Variants in REV1 observed in about 807,000 individuals in gnomAD.
REV1 encodes the protein REV1 DNA directed polymerase.
A neutral mutation model predicts 137.4 loss-of-function variants in REV1; 42 were observed. The observed-to-expected ratio is 0.31, with a 90% confidence interval of 0.24 to 0.40. The LOEUF is 0.40. Ranked by LOEUF, REV1 falls within the 10% of genes least tolerant of loss-of-function variation. REV1 has a pLI of 1.00. For synonymous variants in REV1, 524 were observed against 519.2 expected (o/e 1.01, Z -0.12); for missense variants, 1,282 against 1,490.1 (o/e 0.86, Z 2.30).
At position 99,406,501 on chromosome 2, in the gene REV1, G is replaced by C; in HGVS notation, c.2449-11C>G. The C allele has an allele frequency of 6.3e-7, 1 of 1,576,164 alleles. No homozygotes were observed. The highest frequency in any genetic ancestry group is 8.6e-7 in the Non-Finnish European group (1 of 1,159,368). ...CACGTGAATCCCAACCTAGAACCCA[G>C]AATAAAGAGTATGCTTCTAGGAAAA... On this transcript the variant is annotated splice_polypyrimidine_tract_variant and intron_variant, in intron 15 of 22. Coordinates refer to ENST00000258428, the MANE Select transcript of REV1 (RefSeq NM_016316.4).
chr2:99,484,645 T>C (rs967766546), intron 1 of REV1, among the ~76,000 whole-genome samples: 2 of 152,144 alleles, frequency 1.3e-5, no homozygotes, highest in African/African-American at 2.4e-5. Context: ...TATTAAAACA[T>C]TTCACTTATA....
At chr2:99,473,852 A>C (rs534822003) in intron 1 of REV1, among the ~76,000 whole-genome samples, 24 of 152,338 alleles carry the variant, frequency 1.6e-4, no homozygotes, top group African/African-American at 5.5e-4. Flanking sequence ...TGATCTTTCC[A>C]TCTTTTCTTG....
chr2:99,451,047 C>T (rs1682869394), intron 3 of REV1, among the ~76,000 whole-genome samples: 1 of 152,170 alleles, frequency 6.6e-6, no homozygotes, highest in East Asian at 1.9e-4. Flanking sequence ...AGAAATTAAA[C>T]AGCTAGCCAG....
intron 1 of REV1, among the ~76,000 whole-genome samples, chr2:99,479,310 G>C (rs1472870730): frequency 2.2e-5 from 3 of 133,932 alleles, no homozygotes; most frequent in African/African-American, 8.8e-5. Context: ...CTGGGTGACA[G>C]AGCGAGACTC....
chr2:99,459,923 T>C (rs1470777181), intron 3 of REV1, among the ~76,000 whole-genome samples: 2 of 152,018 alleles, frequency 1.3e-5, no homozygotes, highest in African/African-American at 4.8e-5. Context: ...ACTGGGAGCT[T>C]TAAAGGAATC....
chr2:99,462,298 C>T (rs28369949), intron 3 of REV1, among the ~76,000 whole-genome samples, 198 bp downstream of exon 3: 22,926 of 152,054 alleles, frequency 0.15, 2,098 homozygotes, highest in African/African-American at 0.23. Context: ...AAACTATGTA[C>T]TTTGATAAAA....
In REV1 at chr2:99,404,672, A is replaced by G. The variant is rs1480285565; in HGVS notation, c.2817T>C (p.Asp939=). The change falls in exon 18 of 23, where the codon GAT becomes GAC. Residue 939 remains aspartate (D), a synonymous_variant. Coordinates refer to ENST00000258428, the MANE Select transcript of REV1 (RefSeq NM_016316.4). Reference sequence around the variant, plus strand: ...GTGGAAGTGCTTCTAAAACAGACTGATCCAGCTATAAAATGCCAAACATAT... The same window carrying G: ...GTGGAAGTGCTTCTAAAACAGACTGGTCCAGCTATAAAATGCCAAACATAT... ...SIEVPSPSQL[D]QSVLEALPPD... The G allele has an allele frequency of 6.2e-7, 1 of 1,609,508 alleles. No individual in the cohort carries two copies. Among genetic ancestry groups the G allele is most frequent in the Non-Finnish European group, 8.5e-7 (1 of 1,178,234 alleles).
At chr2:99,449,234 T>C in intron 4 of REV1, 102 bp downstream of exon 4, 1 of 625,902 alleles carries the variant, frequency 1.6e-6, no homozygotes, top group South Asian at 3.7e-5. Flanking sequence ...CACTGCACTC[T>C]AGCCTGGGCG....
At chr2:99,464,073 T>G (rs1684542961) in intron 2 of REV1, among the ~76,000 whole-genome samples, 1 of 152,228 alleles carries the variant, frequency 6.6e-6, no homozygotes, top group East Asian at 1.9e-4. Context: ...AGTGGCTAAA[T>G]TCTGGATCTA....
Position 99,401,201 on chromosome 2 carries a change from T to G in REV1, c.*40A>C, listed in dbSNP as rs377140119. ...TTTGCAAATACCTCACAAGCACTTATGGCACAGCTATCAGAGAGCATCAGG... is the reference window on the plus strand; with the variant it reads ...TTTGCAAATACCTCACAAGCACTTAGGGCACAGCTATCAGAGAGCATCAGG... On this transcript the variant is annotated 3_prime_UTR_variant, in exon 23 of 23. Coordinates refer to ENST00000258428, the MANE Select transcript of REV1 (RefSeq NM_016316.4). 2 of 1,259,698 alleles carry G rather than the reference T, an allele frequency of 1.6e-6. No homozygotes were observed. The highest frequency in any genetic ancestry group is 1.9e-4 in the Middle Eastern group (1 of 5,366). The allele number at this position is 1,259,698 out of a possible 1,614,324, so 78.0% of individuals were successfully genotyped here. A position where few individuals can be genotyped will look rare whatever the true frequency, so the allele number is the denominator to read the frequency against.
chr2:99,484,781 G>A (rs1396421344), intron 1 of REV1, among the ~76,000 whole-genome samples: 1 of 151,870 alleles, frequency 6.6e-6, no homozygotes, highest in Non-Finnish European at 1.5e-5. Flanking sequence ...TAAATTTAAC[G>A]GCAAGCTTCC....
At chr2:99,424,391 C>T in intron 9 of REV1, 111 bp from the exon 10 acceptor site, 5 of 1,151,110 alleles carry the variant, frequency 4.3e-6, no homozygotes, top group Middle Eastern at 2.0e-4. Context: ...TTCCACTTAA[C>T]TCCATTCTCA....
chr2:99,428,848 C>T (rs560151346), intron 9 of REV1, among the ~76,000 whole-genome samples: 15 of 151,910 alleles, frequency 9.9e-5, no homozygotes, highest in East Asian at 1.9e-4. Flanking sequence ...AAAAATTAGC[C>T]GGGTGTGGTG....
intron 12 of REV1, among the ~76,000 whole-genome samples, chr2:99,415,592 T>C (rs1381283942): frequency 6.6e-6 from 1 of 152,254 alleles, no homozygotes. Flanking sequence ...TTGCTCCATG[T>C]GACCACTGAG....
intron 3 of REV1, chr2:99,451,256 CTT>C: frequency 1.3e-6 from 1 of 751,054 alleles, no homozygotes; most frequent in East Asian, 7.5e-5. Context: ...TATTTAATGA[CTT>C]AAATAGAAAA....
At chr2:99,481,261 GATT>G (rs1481334364) in intron 1 of REV1, among the ~76,000 whole-genome samples, 1 of 152,076 alleles carries the variant, frequency 6.6e-6, no homozygotes, top group Non-Finnish European at 1.5e-5. Context: ...CCAAAATTCA[GATT>G]TTTTACAGCC....
chr2:99,477,353 C>T (rs1686094667), intron 1 of REV1, among the ~76,000 whole-genome samples: 1 of 152,116 alleles, frequency 6.6e-6, no homozygotes, highest in African/African-American at 2.4e-5. Context: ...TGTGAGGTAA[C>T]CCAGCTTCAA....
At chr2:99,470,260 A>G (rs1362233814) in intron 1 of REV1, among the ~76,000 whole-genome samples, 1 of 152,254 alleles carries the variant, frequency 6.6e-6, no homozygotes, top group Non-Finnish European at 1.5e-5. Context: ...TCTGATGGTT[A>G]CATATCTGTA....
intron 7 of REV1, among the ~76,000 whole-genome samples, chr2:99,434,914 C>T (rs1680549929): frequency 6.6e-6 from 1 of 152,152 alleles, no homozygotes; most frequent in East Asian, 1.9e-4. Flanking sequence ...CATTATCAAA[C>T]ATGAGCATAC....
Sources: allele counts gnomAD v4.1 joint callset (sites outside exome capture counted in the v4.1 genomes callset), GRCh38; gene constraint gnomAD v4.1.1; transcripts MANE v1.5; gene names NCBI Gene and HGNC (gene_info 2026-07-23, HGNC 2026-07-21).